The following CLUAP1 variants were observed in gnomAD, a reference collection of about 807,000 sequenced individuals.
CLUAP1 encodes the protein intraflagellar transport 38.
In CLUAP1, 50 loss-of-function variants were observed where a neutral mutation model predicts 55.0. The observed-to-expected ratio is 0.91, with a 90% CI of 0.72 to 1.15. CLUAP1 has a LOEUF of 1.15. Among genes scored for constraint, CLUAP1 ranks in the 50% most tolerant of loss-of-function variants. The pLI is 0.00. For synonymous variants in CLUAP1, 195 were observed against 175.4 expected (o/e 1.11, Z -0.88); for missense variants, 530 against 507.6 (o/e 1.04, Z -0.42).
At chr16:3,528,718 T>C (rs72778133) in intron 9 of CLUAP1, among the ~76,000 whole-genome samples, 17,751 of 152,228 alleles carry the variant, frequency 0.12, 1,353 homozygotes, top group South Asian at 0.22. Context: ...TCTATAGTTT[T>C]AGCTCTTACA....
At chr16:3,527,910 C>G (rs1040105574) in intron 9 of CLUAP1, among the ~76,000 whole-genome samples, 10 of 152,238 alleles carry the variant, frequency 6.6e-5, no homozygotes, top group Admixed American at 5.9e-4. Context: ...TCTCCTTACC[C>G]TGCCCCTTTG....
At chr16:3,508,957 G>A (rs774266037) in intron 4 of CLUAP1, among the ~76,000 whole-genome samples, 19 of 143,704 alleles carry the variant, frequency 1.3e-4, no homozygotes, top group Non-Finnish European at 1.1e-4. Context: ...GGGTGTCTCA[G>A]GATGATAATT....
upstream of CLUAP1, among the ~76,000 whole-genome samples, chr16:3,496,994 C>A (rs1478103217): frequency 6.6e-6 from 1 of 151,850 alleles, no homozygotes; most frequent in African/African-American, 2.4e-5. Flanking sequence ...CCTCGGCCTC[C>A]CCAGCAGGTG....
Position 3,536,436 on chromosome 16 carries a change from A to T in CLUAP1, c.*165A>T, listed in dbSNP as rs545387773. 1.6e-6 allele frequency: 1 copy of T among 634,830 alleles called. No individual in the cohort carries two copies. The highest frequency in any genetic ancestry group is 2.7e-5 in the South Asian group (1 of 37,210). The allele number at this position is 634,830 out of a possible 1,614,324, so 39.3% of individuals were successfully genotyped here. On this transcript the variant is annotated 3_prime_UTR_variant, in exon 12 of 12. Transcript: ENST00000576634. ...CTTTAGCCTCCTATGTTTGCATTCCATGAAGCTTAAATAAGAATTGAAGCA... is the reference window on the plus strand; with the variant it reads ...CTTTAGCCTCCTATGTTTGCATTCCTTGAAGCTTAAATAAGAATTGAAGCA...
At chr16:3,514,187 C>G in intron 5 of CLUAP1, among the ~76,000 whole-genome samples, 1 of 152,212 alleles carries the variant, frequency 6.6e-6, no homozygotes, top group Non-Finnish European at 1.5e-5. Context: ...CTGATTGCCA[C>G]TAGAGCTGTG....
At chr16:3,517,558 C>T (rs180860382) in intron 6 of CLUAP1, among the ~76,000 whole-genome samples, 3 of 152,098 alleles carry the variant, frequency 2.0e-5, no homozygotes, top group East Asian at 1.9e-4. Context: ...GTGATCCGCC[C>T]GCCTTGACCT....
At chr16:3,520,111 G>A in intron 7 of CLUAP1, 75 bp downstream of exon 7, 2 of 1,426,796 alleles carry the variant, frequency 1.4e-6, no homozygotes, top group Non-Finnish European at 1.9e-6. Flanking sequence ...GGTGGCTCAT[G>A]TCTGAAATCT....
intron 7 of CLUAP1, among the ~76,000 whole-genome samples, chr16:3,520,555 C>T (rs1223191741): frequency 2.0e-5 from 3 of 152,062 alleles, no homozygotes; most frequent in Non-Finnish European, 4.4e-5. Flanking sequence ...TTACTGCTTG[C>T]GGTATGTCTG....
chr16:3,510,861 C>G (rs2037611374), intron 4 of CLUAP1, among the ~76,000 whole-genome samples: 1 of 152,218 alleles, frequency 6.6e-6, no homozygotes, highest in South Asian at 2.1e-4. Context: ...CGCCGATTGG[C>G]TGTCCAGGTG....
chr16:3,532,805 T>C lies in CLUAP1; in HGVS notation c.1056T>C (p.Ile352=). The C allele has an allele frequency of 6.2e-7, 1 of 1,614,132 alleles. No homozygotes were observed. Among genetic ancestry groups the C allele is most frequent in the Non-Finnish European group, 8.5e-7 (1 of 1,180,022 alleles). The change falls in exon 11 of 12, where the codon ATT becomes ATC. Residue 352 remains isoleucine, a synonymous_variant. Transcript: ENST00000576634. ...TCTCAGGAAGACCTGGCAAACGCAT[T>C]GTGGGCACGATGCAAGGTGGAGACT... The part of the protein sequence containing the change: ...MLMQGRPGKR[I]VGTMQGGDSD...
chr16:3,496,774 C>T (rs2037317018), upstream of CLUAP1: 1 of 444,900 alleles, frequency 2.2e-6, no homozygotes, highest in African/African-American at 2.0e-5. Context: ...AAAACGAACC[C>T]TCTTATTAAA....
upstream of CLUAP1, chr16:3,500,953 C>G: frequency 8.7e-7 from 1 of 1,148,860 alleles, no homozygotes. Flanking sequence ...TTGTTTGTCC[C>G]TGACCGTGCG....
At chr16:3,498,498 A>G (rs1282993108), upstream of CLUAP1, among the ~76,000 whole-genome samples, 1 of 152,158 alleles carries the variant, frequency 6.6e-6, no homozygotes, top group Non-Finnish European at 1.5e-5. Context: ...ACAATCTTGG[A>G]AAAGCAAATC....
chr16:3,518,876 A>G (rs1157451593), intron 6 of CLUAP1, among the ~76,000 whole-genome samples: 1 of 152,176 alleles, frequency 6.6e-6, no homozygotes, highest in Non-Finnish European at 1.5e-5. Flanking sequence ...TGTGGAGCCC[A>G]TAGCTTTTCA....
intron 7 of CLUAP1, among the ~76,000 whole-genome samples, chr16:3,521,965 A>C (rs1376053476): frequency 6.6e-6 from 1 of 151,880 alleles, no homozygotes; most frequent in Non-Finnish European, 1.5e-5. Context: ...GGCCTGAGAC[A>C]GGAGGATCAC....
intron 11 of CLUAP1, chr16:3,534,851 T>G (rs1471163855): frequency 6.6e-6 from 1 of 152,200 alleles, no homozygotes; most frequent in Admixed American, 6.5e-5. Context: ...TAGGGTTGAG[T>G]AGCCAGGTGG....
chr16:3,538,408 T>A lies in CLUAP1; in HGVS notation c.*2137T>A, dbSNP rs949081478. 1.3e-5 allele frequency: 2 copies of A among 151,958 alleles called. No individual in the cohort carries two copies. The highest frequency in any genetic ancestry group is 4.8e-5 in the African/African-American group (2 of 41,356). 9.4% of individuals were successfully genotyped at this position (151,958 alleles called of 1,614,324 possible). On this transcript the variant is annotated 3_prime_UTR_variant, in exon 12 of 12. Transcript: ENST00000576634. The stretch of plus-strand genomic sequence containing the variant: ...TGATCCACTGACAGGGAAGCCAGCG[T>A]GTTGGAGCCATGCCAGCCACCTCAG...
intron 5 of CLUAP1, chr16:3,515,233 A>G (rs1005932688): frequency 7.8e-6 from 2 of 257,394 alleles, no homozygotes; most frequent in African/African-American, 4.5e-5. Context: ...TTTGGGAGAA[A>G]AGATAATGGA....
chr16:3,504,531 C>G (rs2037465808), intron 1 of CLUAP1, among the ~76,000 whole-genome samples, 189 bp from the exon 2 acceptor site: 1 of 152,162 alleles, frequency 6.6e-6, no homozygotes, highest in African/African-American at 2.4e-5. Flanking sequence ...TAAATATATG[C>G]TTTTTAGGTA....
Sources: gnomAD v4.1 joint callset for allele counts (sites outside exome capture counted in the v4.1 genomes callset) on GRCh38, gnomAD v4.1.1 for gene constraint, MANE v1.5 for transcripts, NCBI Gene and HGNC (gene_info 2026-07-23, HGNC 2026-07-21) for gene names.